The following CEP112 variants were observed in gnomAD, a reference collection of about 807,000 sequenced individuals.
CEP112 encodes the protein centrosomal protein 112.
CEP112 carries 127 observed loss-of-function variants against 153.0 expected under a neutral mutation model. The observed-to-expected ratio is 0.83, with a 90% CI of 0.72 to 0.96. CEP112 has a LOEUF of 0.96. Among genes scored for constraint, CEP112 ranks in the 40% least tolerant of loss-of-function variants. The pLI, the probability that CEP112 is intolerant of heterozygous loss-of-function variation, is 0.00. For missense variants in CEP112, 1,089 were observed against 1,101.2 expected, an observed-to-expected ratio of 0.99 and a Z score of 0.16; for synonymous variants, 358 against 374.4, an observed-to-expected ratio of 0.96 and a Z score of 0.51.
intron 17 of CEP112, among the ~76,000 whole-genome samples, chr17:65,978,118 A>G (rs2063102813): frequency 6.6e-6 from 1 of 151,834 alleles, no homozygotes. Flanking sequence ...TTAGCCAGGC[A>G]TGGTGGTGCA....
At position 65,826,640 on chromosome 17, in the gene CEP112, G is replaced by A. The variant is rs555962489; in HGVS notation, c.2394+25164C>T. On this transcript the variant is annotated intron_variant, in intron 21 of 26. Coordinates refer to ENST00000535342, the MANE Select transcript of CEP112 (RefSeq NM_001199165.4). ...CAGGCTAAAGATGCCCTAGGACTTA[G>A]GGACAAGGCAACAGTATGACGAAAG... 403 of 900,814 alleles carry A rather than the reference G, an allele frequency of 4.5e-4. 4 individuals are homozygous for A. Among genetic ancestry groups the A allele is most frequent in the Admixed American group, 3.3e-4 (7 of 21,222 alleles). The allele number at this position is 900,814 out of a possible 1,614,324, so 55.8% of individuals were successfully genotyped here.
At chr17:65,952,418 T>C (rs1464667426) in intron 18 of CEP112, among the ~76,000 whole-genome samples, 1 of 152,034 alleles carries the variant, frequency 6.6e-6, no homozygotes, top group African/African-American at 2.4e-5. Flanking sequence ...CAGCAGGATT[T>C]TGAGATCCAT....
Position 66,129,735 on chromosome 17 carries a change from C to T in CEP112, c.642+11G>A. The stretch of plus-strand genomic sequence containing the variant: ...CATCTATATATACATAAAGCAAATA[C>T]TTTTTTTTACCCCAAGATTCCAACT... On this transcript the variant is annotated intron_variant, in intron 6 of 26. Coordinates refer to ENST00000535342, the MANE Select transcript of CEP112 (RefSeq NM_001199165.4). 6.3e-7 allele frequency: 1 copy of T among 1,579,934 alleles called. No individual in the cohort carries two copies. Among genetic ancestry groups the T allele is most frequent in the Non-Finnish European group, 8.7e-7 (1 of 1,152,648 alleles).
intron 17 of CEP112, among the ~76,000 whole-genome samples, chr17:65,963,711 C>T (rs2062305477): frequency 6.6e-6 from 1 of 151,262 alleles, no homozygotes; most frequent in Non-Finnish European, 1.5e-5. Flanking sequence ...GTGTTCTCTC[C>T]TCGCACCCAT....
intron 21 of CEP112, among the ~76,000 whole-genome samples, chr17:65,812,455 C>T (rs758303108): frequency 1.3e-5 from 2 of 152,108 alleles, no homozygotes; most frequent in African/African-American, 4.8e-5. Flanking sequence ...TGGCTTAAAC[C>T]TCATTGCTCC....
At chr17:66,164,612 C>T (rs899118305) in intron 4 of CEP112, among the ~76,000 whole-genome samples, 1 of 146,344 alleles carries the variant, frequency 6.8e-6, no homozygotes, top group South Asian at 2.2e-4. Context: ...AATCCCAGCA[C>T]TTTGGGAGGC....
chr17:66,145,205 G>T (rs185552933), intron 4 of CEP112, among the ~76,000 whole-genome samples: 77 of 152,206 alleles, frequency 5.1e-4, no homozygotes, highest in Non-Finnish European at 5.4e-4. Flanking sequence ...CTCTTGTGAA[G>T]TGTCTGTAAA....
At chr17:65,986,151 A>T (rs1648624985) in intron 17 of CEP112, among the ~76,000 whole-genome samples, 1 of 151,720 alleles carries the variant, frequency 6.6e-6, no homozygotes. Context: ...GTGCTCACTA[A>T]AATACCTAGA....
chr17:65,743,042 A>T, intron 23 of CEP112, 26 bp downstream of exon 23: 1 of 1,576,156 alleles, frequency 6.3e-7, no homozygotes, highest in Non-Finnish European at 8.6e-7. Context: ...AGCTGGTACC[A>T]CTGGTTACTG....
chr17:65,636,908 G>A (rs369362667), intron 26 of CEP112: 10 of 520,028 alleles, frequency 1.9e-5, no homozygotes, highest in East Asian at 9.4e-5. Flanking sequence ...CACTGTGCCC[G>A]GCAGATTCTC....
chr17:65,753,548 C>T (rs924912581), intron 21 of CEP112, among the ~76,000 whole-genome samples: 2 of 152,050 alleles, frequency 1.3e-5, no homozygotes, highest in Admixed American at 6.6e-5. Flanking sequence ...TGCTATTTTT[C>T]TAGTAAGTCA....
intron 24 of CEP112, among the ~76,000 whole-genome samples, chr17:65,671,315 C>T (rs2046971045): frequency 6.6e-6 from 1 of 152,130 alleles, no homozygotes. Flanking sequence ...GAGAAGTACC[C>T]CCATGTACAG....
intron 12 of CEP112, among the ~76,000 whole-genome samples, chr17:66,045,975 G>A (rs1163575821): frequency 2.0e-5 from 3 of 152,162 alleles, no homozygotes; most frequent in Non-Finnish European, 4.4e-5. Flanking sequence ...TACCACAACA[G>A]AATAAATGCA....
Position 65,662,119 on chromosome 17 carries a change from C to A in CEP112, c.2698-21054G>T, listed in dbSNP as rs138371087. On this transcript the variant is annotated intron_variant, in intron 24 of 26. Coordinates refer to ENST00000535342, the MANE Select transcript of CEP112 (RefSeq NM_001199165.4). ...GAGTAGCTGGGACCACAGGTGGGCA[C>A]CACCACGCCTGACTAAGTTCTGTAT... Among the ~76,000 whole-genome samples the A allele has an allele frequency of 2.4e-3, 365 of 152,230 alleles. 2 individuals carry two copies. Among genetic ancestry groups the A allele is most frequent in the African/African-American group, 8.4e-3 (347 of 41,532 alleles).
chr17:66,183,237 C>T lies in CEP112; in HGVS notation c.63G>A (p.Val21=). 6.2e-7 allele frequency: 1 copy of T among 1,612,460 alleles called. No homozygotes were observed. The highest frequency in any genetic ancestry group is 8.5e-7 in the Non-Finnish European group (1 of 1,179,280). ...EKLDAEFDHF[V]VDMKPFVLKL... ...TTAGAACAAAGGGCTTCATATCAACCACAAAGTGATCAAATTCTGCATCCA... is the reference window on the plus strand; with the variant it reads ...TTAGAACAAAGGGCTTCATATCAACTACAAAGTGATCAAATTCTGCATCCA... Residue 21 remains valine (V), a synonymous_variant, in exon 2 of 27, where the codon GTG becomes GTA. Transcript: ENST00000535342.
intron 8 of CEP112, among the ~76,000 whole-genome samples, chr17:66,093,491 A>C (rs1429656919): frequency 6.6e-6 from 1 of 152,078 alleles, no homozygotes; most frequent in Non-Finnish European, 1.5e-5. Flanking sequence ...AAGTTGCAGA[A>C]TACAAAATCA....
At chr17:65,937,280 C>G (rs2061344903) in intron 18 of CEP112, among the ~76,000 whole-genome samples, 1 of 95,918 alleles carries the variant, frequency 1.0e-5, no homozygotes, top group African/African-American at 3.6e-5. Flanking sequence ...GCTGCCCAGT[C>G]TGGAAAGTGA....
chr17:66,125,935 A>G (rs1251727624), intron 6 of CEP112, among the ~76,000 whole-genome samples: 1 of 152,194 alleles, frequency 6.6e-6, no homozygotes, highest in Non-Finnish European at 1.5e-5. Flanking sequence ...CTTTTAAACC[A>G]TCAGTCAATA....
intron 23 of CEP112, among the ~76,000 whole-genome samples, chr17:65,701,905 T>G (rs181200217): frequency 0.014 from 2,091 of 148,662 alleles, 26 homozygotes; most frequent in Middle Eastern, 0.041. Context: ...TTTGTTTTTT[T>G]TTTTTTTTTT....
Sources: allele counts gnomAD v4.1 joint callset (sites outside exome capture counted in the v4.1 genomes callset), GRCh38; gene constraint gnomAD v4.1.1; transcripts MANE v1.5; gene names NCBI Gene and HGNC (gene_info 2026-07-23, HGNC 2026-07-21).